Variants in LRRK1 observed in about 807,000 individuals in gnomAD.
The protein encoded by LRRK1 is leucine rich repeat kinase 1.
Under a neutral mutation model 209.1 loss-of-function variants are expected in LRRK1, and 113 were observed. The ratio of observed to expected loss-of-function variants is 0.54; its 90% CI spans 0.46 to 0.63. The LOEUF is 0.63. Ranked by LOEUF, LRRK1 falls within the 30% of genes least tolerant of loss-of-function variation. LRRK1 has a pLI of 0.00. For synonymous variants in LRRK1, 1,144 were observed against 1,099.7 expected (o/e 1.04, Z -0.80); for missense variants, 2,284 against 2,632.2 (o/e 0.87, Z 2.89).
chr15:101,062,870 C>T (rs1026491327), intron 31 of LRRK1, among the ~76,000 whole-genome samples, 180 bp downstream of exon 31: 10 of 152,170 alleles, frequency 6.6e-5, no homozygotes, highest in East Asian at 3.8e-4. Context: ...TAGTGCCTTC[C>T]GGTTTGCAAA....
chr15:101,018,229 G>T (rs1476122258), intron 12 of LRRK1, among the ~76,000 whole-genome samples: 1 of 149,454 alleles, frequency 6.7e-6, no homozygotes, highest in African/African-American at 2.4e-5. Context: ...ATGGGCAAGG[G>T]ATATAAACAA....
chr15:100,964,106 T>C (rs973321978), intron 2 of LRRK1, among the ~76,000 whole-genome samples: 2 of 152,074 alleles, frequency 1.3e-5, no homozygotes, highest in African/African-American at 2.4e-5. Flanking sequence ...GAACTGTTAG[T>C]GAGAGCCCGC....
Position 100,958,408 on chromosome 15 carries a change from T to C in LRRK1, c.98-15396T>C, listed in dbSNP as rs2042809221. On this transcript the variant is annotated intron_variant, in intron 2 of 33. Coordinates refer to ENST00000388948, the MANE Select transcript of LRRK1 (RefSeq NM_024652.6). ...TGTCTGGAGTTGATGTTTGGGTGTT[T>C]TGGATACGTCTGTACCTCTGCTCCC... Among the ~76,000 whole-genome samples the C allele has an allele frequency of 1.3e-5, 2 of 152,196 alleles. 1 individual carries two copies. The highest frequency in any genetic ancestry group is 4.1e-4 in the South Asian group (2 of 4,826).
At chr15:100,946,393 G>A (rs2042540260) in intron 2 of LRRK1, among the ~76,000 whole-genome samples, 1 of 152,100 alleles carries the variant, frequency 6.6e-6, no homozygotes, top group Admixed American at 6.5e-5. Flanking sequence ...TTGGAGACTA[G>A]CGAGACAATG....
intron 12 of LRRK1, among the ~76,000 whole-genome samples, chr15:101,019,610 T>C (rs1382835468): frequency 6.6e-6 from 1 of 152,160 alleles, no homozygotes; most frequent in Non-Finnish European, 1.5e-5. Context: ...TGCAGCTACA[T>C]GTGTGGAGGA....
intron 20 of LRRK1, among the ~76,000 whole-genome samples, chr15:101,034,586 G>T (rs553135470): frequency 6.6e-6 from 1 of 152,160 alleles, no homozygotes; most frequent in South Asian, 2.1e-4. Context: ...TTATTTCTGG[G>T]TTCTCTATTT....
intron 20 of LRRK1, among the ~76,000 whole-genome samples, chr15:101,041,989 AG>A (rs895714244): frequency 1.8e-4 from 27 of 152,282 alleles, no homozygotes; most frequent in Non-Finnish European, 2.9e-5. Context: ...ACCATGAAAA[AG>A]AAACTGCAGA....
chr15:101,036,552 A>G (rs889627802), intron 20 of LRRK1, among the ~76,000 whole-genome samples: 1 of 152,000 alleles, frequency 6.6e-6, no homozygotes, highest in Non-Finnish European at 1.5e-5. Flanking sequence ...ATTTTCTTCT[A>G]TCTCACTGAG....
chr15:100,947,356 C>T (rs909713438), intron 2 of LRRK1, among the ~76,000 whole-genome samples: 13 of 152,152 alleles, frequency 8.5e-5, no homozygotes, highest in African/African-American at 3.1e-4. Context: ...ACACTGTGCC[C>T]ATTCCTATGG....
In LRRK1 at chr15:101,068,931, C is replaced by A. The variant is rs2036678193; in HGVS notation, c.*83C>A. ...CCCTCTGCCATCGGCCTCTAGTTCT[C>A]CAAGGACCTAGAAGACAGATGGAGT... On this transcript the variant is annotated 3_prime_UTR_variant, in exon 34 of 34. Transcript: ENST00000388948. 2 of 1,343,716 alleles carry A rather than the reference C, an allele frequency of 1.5e-6. No homozygotes were observed. Among genetic ancestry groups the A allele is most frequent in the African/African-American group, 1.5e-5 (1 of 67,948 alleles). The allele number at this position is 1,343,716 out of a possible 1,614,324, so 83.2% of individuals were successfully genotyped here. A position where few individuals can be genotyped will look rare whatever the true frequency, so the allele number is the denominator to read the frequency against.
chr15:100,965,039 G>C (rs752430109), intron 2 of LRRK1, among the ~76,000 whole-genome samples: 1 of 152,200 alleles, frequency 6.6e-6, no homozygotes, highest in Non-Finnish European at 1.5e-5. Context: ...GACAGACTGG[G>C]GCGGTGTCTT....
chr15:101,030,960 G>A (rs2034253641), intron 20 of LRRK1, among the ~76,000 whole-genome samples: 1 of 152,086 alleles, frequency 6.6e-6, no homozygotes, highest in African/African-American at 2.4e-5. Flanking sequence ...TTACGCCTTT[G>A]CATCCTGACA....
At chr15:101,007,552 G>A (rs2033018547) in intron 6 of LRRK1, among the ~76,000 whole-genome samples, 1 of 152,202 alleles carries the variant, frequency 6.6e-6, no homozygotes, top group Non-Finnish European at 1.5e-5. Flanking sequence ...GGACTTCAAC[G>A]GCAAGAGCGC....
chr15:101,063,766 G>A (rs1267244338), intron 31 of LRRK1, among the ~76,000 whole-genome samples: 4 of 151,160 alleles, frequency 2.6e-5, no homozygotes, highest in African/African-American at 7.3e-5. Flanking sequence ...CTGGATGGTC[G>A]CAAAATACAT....
chr15:101,012,079 C>T lies in LRRK1; in HGVS notation c.1353C>T (p.His451=). The change falls in exon 10 of 34, where the codon CAC becomes CAT. Residue 451 remains histidine, a synonymous_variant. Coordinates refer to ENST00000388948, the MANE Select transcript of LRRK1 (RefSeq NM_024652.6). Reference sequence around the variant, plus strand: ...AAATGGCTGTCTTTTGGAAAAATCACCTGAAGGATGTGGATTTCTCAGAAA... The same window carrying T: ...AAATGGCTGTCTTTTGGAAAAATCATCTGAAGGATGTGGATTTCTCAGAAA... ...PDKMAVFWKN[H]LKDVDFSENA... 6.2e-7 allele frequency: 1 copy of T among 1,612,612 alleles called. No individual in the cohort carries two copies. The highest frequency in any genetic ancestry group is 8.5e-7 in the Non-Finnish European group (1 of 1,179,206).
chr15:101,069,679 T>C lies in LRRK1; in HGVS notation c.*831T>C, dbSNP rs975789994. On this transcript the variant is annotated 3_prime_UTR_variant, in exon 34 of 34. Transcript: ENST00000388948. Reference sequence around the variant, plus strand: ...CCTGTTTGTTTGCACATAATAATCTTGTTTATCACTTTAAAAAATTCAGTA... The same window carrying C: ...CCTGTTTGTTTGCACATAATAATCTCGTTTATCACTTTAAAAAATTCAGTA... 2.6e-5 allele frequency: 4 copies of C among 152,670 alleles called. No homozygotes were observed. The highest frequency in any genetic ancestry group is 9.6e-5 in the African/African-American group (4 of 41,458). The allele number at this position is 152,670 out of a possible 1,614,324, so 9.5% of individuals were successfully genotyped here.
rs1204321136 is a variant in LRRK1, at chr15:100,941,400, CTGTGTGTGTCTCTG to C, written c.97+16681_97+16694del. Among the ~76,000 whole-genome samples the C allele has an allele frequency of 2.4e-3, 200 of 81,728 alleles. 8 individuals carry two copies. Among genetic ancestry groups the C allele is most frequent in the African/African-American group, 0.012 (166 of 13,676 alleles). 53.6% of individuals were successfully genotyped at this position (81,728 alleles called of 152,430 possible). A position where few individuals can be genotyped will look rare whatever the true frequency, so the allele number is the denominator to read the frequency against. On this transcript the variant is annotated intron_variant, in intron 2 of 33. Coordinates refer to ENST00000388948, the MANE Select transcript of LRRK1 (RefSeq NM_024652.6). ...TGTGTGTCTGTGTCTCTGTGTGTGT[CTGTGTGTGTCTCTG>C]TGTGTGTGTGTGTCTGTGTGTGTGT...
At chr15:101,045,643 C>A (rs2035029323) in intron 20 of LRRK1, among the ~76,000 whole-genome samples, 1 of 152,144 alleles carries the variant, frequency 6.6e-6, no homozygotes, top group Non-Finnish European at 1.5e-5. Flanking sequence ...CAACTGCAAC[C>A]CCGTTTATAG....
intron 2 of LRRK1, among the ~76,000 whole-genome samples, chr15:100,969,746 A>G (rs947463105): frequency 6.6e-6 from 1 of 152,006 alleles, no homozygotes; most frequent in African/African-American, 2.4e-5. Flanking sequence ...AACATGTGGT[A>G]TTTGGTTTTC....
Sources: gnomAD v4.1 joint callset for allele counts (sites outside exome capture counted in the v4.1 genomes callset) on GRCh38, gnomAD v4.1.1 for gene constraint, MANE v1.5 for transcripts, NCBI Gene and HGNC (gene_info 2026-07-23, HGNC 2026-07-21) for gene names.